Variants in LRBA observed in about 807,000 individuals in gnomAD.
The protein encoded by LRBA is lipopolysaccharide-responsive and beige-like anchor protein.
LRBA carries 176 observed loss-of-function variants against 330.0 expected under a neutral mutation model. That is an observed-to-expected ratio of 0.53 (90% CI 0.47 to 0.60). The LOEUF (loss-of-function observed/expected upper bound fraction) is 0.60. Among genes scored for constraint, LRBA ranks in the 20% least tolerant of loss-of-function variants. The pLI, the probability that LRBA is intolerant of heterozygous loss-of-function variation, is 0.00. For missense variants in LRBA, 3,259 were observed against 3,444.8 expected (o/e 0.95, Z 1.35); for synonymous variants, 1,230 against 1,193.0 (o/e 1.03, Z -0.64).
At chr4:150,629,964 C>A (rs1303222850) in intron 37 of LRBA, among the ~76,000 whole-genome samples, 1 of 152,116 alleles carries the variant, frequency 6.6e-6, no homozygotes, top group African/African-American at 2.4e-5. Context: ...GAGCAAAACT[C>A]AGTATCAAAA....
At chr4:150,697,007 T>C (rs573696338) in intron 36 of LRBA, among the ~76,000 whole-genome samples, 5 of 147,824 alleles carry the variant, frequency 3.4e-5, no homozygotes, top group Admixed American at 2.0e-4. Flanking sequence ...GAAGAGACCC[T>C]GCCTCAAAAA....
chr4:150,409,652 A>G (rs1746670554), intron 47 of LRBA, among the ~76,000 whole-genome samples: 1 of 152,134 alleles, frequency 6.6e-6, no homozygotes, highest in Non-Finnish European at 1.5e-5. Context: ...TCAGTTTATC[A>G]TCTTCCAACA....
chr4:150,901,673 T>C (rs1730742305), intron 13 of LRBA, among the ~76,000 whole-genome samples: 2 of 152,134 alleles, frequency 1.3e-5, no homozygotes, highest in South Asian at 2.1e-4. Flanking sequence ...TGAATTAGAG[T>C]GTCAGTGAAT....
intron 46 of LRBA, among the ~76,000 whole-genome samples, chr4:150,431,699 A>G (rs1023236087): frequency 2.0e-5 from 3 of 152,150 alleles, no homozygotes; most frequent in Non-Finnish European, 2.9e-5. Context: ...ATTTAATTAC[A>G]TAAGTGGCTT....
intron 40 of LRBA, among the ~76,000 whole-genome samples, chr4:150,519,303 G>A (rs1254381725): frequency 6.6e-6 from 1 of 152,158 alleles, no homozygotes; most frequent in African/African-American, 2.4e-5. Context: ...AGACACCTAT[G>A]TAATCACCAT....
intron 48 of LRBA, among the ~76,000 whole-genome samples, chr4:150,347,089 A>T (rs531181300): frequency 6.6e-6 from 1 of 152,352 alleles, no homozygotes; most frequent in South Asian, 2.1e-4. Context: ...TCTTGAAGAT[A>T]TTACGCTAAG....
intron 44 of LRBA, among the ~76,000 whole-genome samples, chr4:150,453,410 C>G (rs1753636187): frequency 6.6e-6 from 1 of 152,056 alleles, no homozygotes; most frequent in Admixed American, 6.6e-5. Flanking sequence ...AGGAGACCTC[C>G]AGAGAAAAAG....
Position 150,921,190 on chromosome 4 carries a change from T to C in LRBA, c.645+8A>G. The C allele has an allele frequency of 6.4e-7, 1 of 1,574,418 alleles. No homozygotes were observed. The highest frequency in any genetic ancestry group is 8.7e-7 in the Non-Finnish European group (1 of 1,144,340). On this transcript the variant is annotated splice_region_variant and intron_variant, in intron 5 of 56. Transcript: ENST00000651943. ...CTGGGAGTGATTTCCTCATTAATAT[T>C]TACTTACTGCAGCACTCTTTCCTGG... is the stretch of plus-strand genomic sequence containing the variant.
intron 34 of LRBA, among the ~76,000 whole-genome samples, chr4:150,789,079 AAT>A (rs910510744): frequency 1.3e-5 from 2 of 151,780 alleles, no homozygotes; most frequent in East Asian, 1.9e-4. Context: ...GTCTCAAAAA[AAT>A]ATATATATAT....
chr4:150,384,965 T>C (rs1423652296), intron 47 of LRBA, among the ~76,000 whole-genome samples: 1 of 152,162 alleles, frequency 6.6e-6, no homozygotes. Context: ...AATTCATAGG[T>C]ATAATCTTTA....
At chr4:150,664,724 A>T (rs1781419442) in intron 37 of LRBA, among the ~76,000 whole-genome samples, 1 of 152,182 alleles carries the variant, frequency 6.6e-6, no homozygotes, top group Non-Finnish European at 1.5e-5. Context: ...AAAAACCCAG[A>T]ACTGTATGAG....
intron 40 of LRBA, among the ~76,000 whole-genome samples, chr4:150,574,629 G>T (rs950175185): frequency 1.3e-5 from 2 of 151,932 alleles, no homozygotes; most frequent in Non-Finnish European, 2.9e-5. Context: ...AGGTATTCTG[G>T]ATAGCAACCA....
At chr4:150,613,559 G>C (rs563404334) in intron 37 of LRBA, among the ~76,000 whole-genome samples, 8 of 152,180 alleles carry the variant, frequency 5.3e-5, no homozygotes, top group Non-Finnish European at 1.0e-4. Context: ...TAGAGGGCAG[G>C]GGCCAGATCA....
At chr4:150,882,008 C>T (rs528984973) in intron 17 of LRBA, among the ~76,000 whole-genome samples, 1 of 152,086 alleles carries the variant, frequency 6.6e-6, no homozygotes, top group Non-Finnish European at 1.5e-5. Context: ...ATCGCTTCAA[C>T]CCGAGAGGCA....
At chr4:150,989,970 A>G (rs1039200854) in intron 2 of LRBA, among the ~76,000 whole-genome samples, 1 of 152,096 alleles carries the variant, frequency 6.6e-6, no homozygotes, top group Non-Finnish European at 1.5e-5. Context: ...ATGAAAAAAA[A>G]TTTTTAATTA....
chr4:150,680,085 C>G (rs1047767633), intron 37 of LRBA, among the ~76,000 whole-genome samples: 1 of 152,084 alleles, frequency 6.6e-6, no homozygotes, highest in African/African-American at 2.4e-5. Context: ...CTCCATGCAC[C>G]GGAAAAAAAT....
intron 53 of LRBA, among the ~76,000 whole-genome samples, chr4:150,292,116 G>A (rs1318694664): frequency 6.6e-6 from 1 of 152,012 alleles, no homozygotes; most frequent in Non-Finnish European, 1.5e-5. Flanking sequence ...TGGTGCCCTC[G>A]CAACATTAAG....
At chr4:150,565,618 A>G (rs2152276679) in intron 40 of LRBA, among the ~76,000 whole-genome samples, 1 of 152,276 alleles carries the variant, frequency 6.6e-6, no homozygotes, top group Non-Finnish European at 1.5e-5. Flanking sequence ...GAGATTTAAC[A>G]TAACAACTCT....
Position 150,683,694 on chromosome 4 carries a change from T to C in LRBA, c.5778A>G (p.Ala1926=). The part of the protein sequence containing the change: ...EFESLCAQYS[A]DKREDEKMCD... Reference sequence around the variant, plus strand: ...ACATCTTCTCATCTTCTCGTTTGTCTGCAGAATACTGGGCACACAGTGACT... The same window carrying C: ...ACATCTTCTCATCTTCTCGTTTGTCCGCAGAATACTGGGCACACAGTGACT... The change falls in exon 37 of 57, where the codon GCA becomes GCG. Residue 1926 remains alanine (A), a synonymous_variant. Coordinates refer to ENST00000651943, the MANE Select transcript of LRBA (RefSeq NM_001364905.1). The C allele has an allele frequency of 6.2e-7, 1 of 1,612,780 alleles. No homozygotes were observed. The highest frequency in any genetic ancestry group is 8.5e-7 in the Non-Finnish European group (1 of 1,179,184).
Sources: gnomAD v4.1 joint callset for allele counts (sites outside exome capture counted in the v4.1 genomes callset) on GRCh38, gnomAD v4.1.1 for gene constraint, MANE v1.5 for transcripts, NCBI Gene and HGNC (gene_info 2026-07-23, HGNC 2026-07-21) for gene names.